The following SGCZ variants were observed in gnomAD, a reference collection of about 807,000 sequenced individuals.
SGCZ encodes the protein sarcoglycan zeta, also known as zeta-sarcoglycan.
In SGCZ, 40 loss-of-function variants were observed where a neutral mutation model predicts 41.3. The ratio of observed to expected loss-of-function variants is 0.97; its 90% CI spans 0.75 to 1.26. The LOEUF is 1.26. Ranked by LOEUF, SGCZ falls within the 50% of genes most tolerant of loss-of-function variation. The probability of loss-of-function intolerance (pLI) is 0.00; values close to 1 mark genes in which losing one functional copy is unlikely to be tolerated. For synonymous variants in SGCZ, 206 were observed against 137.5 expected, an observed-to-expected ratio of 1.50 and a Z score of -3.49; for missense variants, 552 against 369.8, an observed-to-expected ratio of 1.49 and a Z score of -4.04.
chr8:14,290,815 A>G (rs7829139), intron 3 of SGCZ, among the ~76,000 whole-genome samples: 24,926 of 152,088 alleles, frequency 0.16, 2,258 homozygotes, highest in East Asian at 0.28. Context: ...GAACTACCAT[A>G]TGAACCAACC....
intron 2 of SGCZ, among the ~76,000 whole-genome samples, chr8:14,443,700 T>C (rs1800343344): frequency 6.6e-6 from 1 of 152,108 alleles, no homozygotes; most frequent in African/African-American, 2.4e-5. Context: ...CCTAAAACCA[T>C]AAAAATCCTA....
intron 1 of SGCZ, among the ~76,000 whole-genome samples, chr8:14,866,518 A>G (rs1803937029): frequency 6.6e-6 from 1 of 152,128 alleles, no homozygotes; most frequent in Non-Finnish European, 1.5e-5. Flanking sequence ...GTGCATATAT[A>G]TGAGACTTGG....
rs184295035 is a variant in SGCZ at position 14,522,826 on chromosome 8, T to C, written c.234+31906A>G. Among the ~76,000 whole-genome samples, 710 of 151,940 alleles carry C rather than the reference T, an allele frequency of 4.7e-3. 7 individuals are homozygous for C. The highest frequency in any genetic ancestry group is 0.016 in the African/African-American group (649 of 41,534). ...GAGATAGGAGCTGAAATTATTCATA[T>C]GGGATCTTTTTTCTAACCTAGTCAC... On this transcript the variant is annotated intron_variant, in intron 2 of 7. Transcript: ENST00000382080.
chr8:14,846,880 G>A (rs1416681359), intron 1 of SGCZ, among the ~76,000 whole-genome samples: 1 of 151,858 alleles, frequency 6.6e-6, no homozygotes, highest in Non-Finnish European at 1.5e-5. Context: ...GACCAGCCTG[G>A]GCAACTCGGT....
At chr8:14,244,111 T>G (rs2117186930) in intron 3 of SGCZ, among the ~76,000 whole-genome samples, 1 of 152,206 alleles carries the variant, frequency 6.6e-6, no homozygotes, top group Non-Finnish European at 1.5e-5. Context: ...CACACCAAAT[T>G]TAGGAAGCCA....
At chr8:14,486,365 G>A (rs1801675314) in intron 2 of SGCZ, among the ~76,000 whole-genome samples, 1 of 152,118 alleles carries the variant, frequency 6.6e-6, no homozygotes, top group Non-Finnish European at 1.5e-5. Flanking sequence ...GCCTCCCACT[G>A]GCCATGGATC....
At chr8:14,570,223 A>C (rs1316432773) in intron 1 of SGCZ, among the ~76,000 whole-genome samples, 1 of 152,182 alleles carries the variant, frequency 6.6e-6, no homozygotes, top group Non-Finnish European at 1.5e-5. Context: ...TAAACAAATG[A>C]CTTTGTAGCT....
chr8:14,344,896 T>C (rs963716451), intron 2 of SGCZ, among the ~76,000 whole-genome samples: 2 of 152,048 alleles, frequency 1.3e-5, no homozygotes, highest in South Asian at 4.1e-4. Flanking sequence ...AATTTCTACA[T>C]TGCAGAGGGT....
intron 1 of SGCZ, among the ~76,000 whole-genome samples, chr8:14,793,547 C>T (rs1036653273): frequency 6.6e-6 from 1 of 152,164 alleles, no homozygotes; most frequent in East Asian, 1.9e-4. Context: ...GAATGCTTGA[C>T]AAAGCTGCTT....
chr8:14,339,460 T>G (rs1802623993), intron 2 of SGCZ, among the ~76,000 whole-genome samples: 1 of 152,220 alleles, frequency 6.6e-6, no homozygotes, highest in Admixed American at 6.5e-5. Flanking sequence ...TTGCAGGTAA[T>G]GACCTCACCA....
At chr8:14,362,598 G>A (rs1046711572) in intron 2 of SGCZ, among the ~76,000 whole-genome samples, 2 of 152,166 alleles carry the variant, frequency 1.3e-5, no homozygotes, top group African/African-American at 4.8e-5. Context: ...GGTACAGTCT[G>A]TCACAGCTTC....
chr8:14,439,964 G>C (rs1002835431), intron 2 of SGCZ, among the ~76,000 whole-genome samples: 12 of 151,562 alleles, frequency 7.9e-5, no homozygotes, highest in African/African-American at 2.9e-4. Context: ...CGGACTTCTT[G>C]AGATTACATA....
At chr8:14,151,902 T>C (rs1585181862) in intron 5 of SGCZ, among the ~76,000 whole-genome samples, 1 of 151,790 alleles carries the variant, frequency 6.6e-6, no homozygotes, top group African/African-American at 2.4e-5. Flanking sequence ...AGCAAAAAGA[T>C]TGACTTAAAA....
chr8:14,691,690 T>C lies in SGCZ; in HGVS notation c.40-136764A>G, dbSNP rs140200817. ...TAAAGAAAGCATAGATGTAAGAATATGAGTTATGTTAGTCAGATTTAAACA... is the reference window on the plus strand; with the variant it reads ...TAAAGAAAGCATAGATGTAAGAATACGAGTTATGTTAGTCAGATTTAAACA... On this transcript the variant is annotated intron_variant, in intron 1 of 7. Coordinates refer to ENST00000382080, the MANE Select transcript of SGCZ (RefSeq NM_139167.4). Among the ~76,000 whole-genome samples, 167 of 152,168 alleles carry C rather than the reference T, an allele frequency of 1.1e-3. 3 individuals are homozygous for C. In the East Asian group the frequency reaches 0.025, roughly 22 times the overall value.
chr8:14,278,811 A>G (rs186096477), intron 3 of SGCZ, among the ~76,000 whole-genome samples: 67 of 152,262 alleles, frequency 4.4e-4, no homozygotes, highest in African/African-American at 1.5e-3. Context: ...ATCTACCTCT[A>G]TATTGGACTT....
At chr8:14,727,006 T>G (rs757427872) in intron 1 of SGCZ, among the ~76,000 whole-genome samples, 1 of 152,152 alleles carries the variant, frequency 6.6e-6, no homozygotes, top group African/African-American at 2.4e-5. Flanking sequence ...AAGACACCAC[T>G]GAGATGTTAA....
intron 2 of SGCZ, among the ~76,000 whole-genome samples, chr8:14,418,044 T>G (rs967070909): frequency 2.0e-5 from 3 of 151,862 alleles, no homozygotes; most frequent in Non-Finnish European, 4.4e-5. Flanking sequence ...TTTCATAGGC[T>G]ATGTCTGTCA....
intron 2 of SGCZ, among the ~76,000 whole-genome samples, chr8:14,373,424 C>T (rs1432011725): frequency 6.6e-6 from 1 of 151,992 alleles, no homozygotes; most frequent in African/African-American, 2.4e-5. Context: ...TGACTACTCA[C>T]CATAAATGGC....
intron 1 of SGCZ, among the ~76,000 whole-genome samples, chr8:14,874,361 A>G (rs1387372969): frequency 1.3e-5 from 2 of 152,142 alleles, no homozygotes; most frequent in African/African-American, 4.8e-5. Flanking sequence ...GACTTGGCTC[A>G]TAATTTTTCC....
Sources: allele counts gnomAD v4.1 joint callset (sites outside exome capture counted in the v4.1 genomes callset), GRCh38; gene constraint gnomAD v4.1.1; transcripts MANE v1.5; gene names NCBI Gene and HGNC (gene_info 2026-07-23, HGNC 2026-07-21).